The following MLXIP variants were observed in gnomAD, a reference collection of about 807,000 sequenced individuals.
The protein encoded by MLXIP is MLX interacting protein.
MLXIP carries 30 observed loss-of-function variants against 87.2 expected under a neutral mutation model. The ratio of observed to expected loss-of-function variants is 0.34; its 90% CI spans 0.26 to 0.47. The LOEUF (loss-of-function observed/expected upper bound fraction) is 0.47, where lower values mean the gene tolerates loss of function less well. Among genes scored for constraint, MLXIP ranks in the 20% least tolerant of loss-of-function variants. MLXIP has a pLI of 1.00. For synonymous variants in MLXIP, 530 were observed against 514.0 expected (o/e 1.03, Z -0.42); for missense variants, 1,002 against 1,240.1 (o/e 0.81, Z 2.88).
At chr12:122,128,188 G>A (rs777968837) in intron 3 of MLXIP, 32 of 534,188 alleles carry the variant, frequency 6.0e-5, no homozygotes, top group Non-Finnish European at 1.1e-4. Flanking sequence ...CCCAGGGACT[G>A]AGGGGGTTAA....
chr12:122,109,531 T>C (rs1423691676), intron 1 of MLXIP, among the ~76,000 whole-genome samples: 2 of 152,244 alleles, frequency 1.3e-5, no homozygotes, highest in Admixed American at 1.3e-4. Flanking sequence ...ATATATGGAA[T>C]GCTGACAAAG....
chr12:122,139,004 G>T (rs1593120090), intron 15 of MLXIP, 66 bp downstream of exon 15: 2 of 1,593,828 alleles, frequency 1.3e-6, no homozygotes, highest in East Asian at 2.2e-5. Context: ...ACAGACCGTG[G>T]CACTGTAGTT....
At chr12:122,094,732 ATGTG>A (rs1260701628) in intron 1 of MLXIP, among the ~76,000 whole-genome samples, 2 of 107,262 alleles carry the variant, frequency 1.9e-5, no homozygotes, top group Non-Finnish European at 3.7e-5. Context: ...GTGTGTTGGC[ATGTG>A]TGTGGTATGT....
At chr12:122,138,633 C>T in intron 14 of MLXIP, 82 bp downstream of exon 14, 1 of 1,531,496 alleles carries the variant, frequency 6.5e-7, no homozygotes, top group Non-Finnish European at 8.8e-7. Context: ...GACCCTGTGG[C>T]CTCATCACTG....
chr12:122,114,466 C>T (rs1194318783), intron 1 of MLXIP, among the ~76,000 whole-genome samples: 1 of 152,190 alleles, frequency 6.6e-6, no homozygotes, highest in Non-Finnish European at 1.5e-5. Context: ...TGGACTTGAT[C>T]CATTCTACCC....
intron 1 of MLXIP, among the ~76,000 whole-genome samples, chr12:122,126,254 C>G (rs1952879263): frequency 6.6e-6 from 1 of 152,178 alleles, no homozygotes; most frequent in Non-Finnish European, 1.5e-5. Context: ...GTTAATTGAG[C>G]CCCTACTATG....
intron 6 of MLXIP, 87 bp from the exon 7 acceptor site, chr12:122,130,757 C>T: frequency 1.1e-6 from 1 of 917,132 alleles, no homozygotes; most frequent in South Asian, 1.3e-5. Context: ...GTGAGCAGGG[C>T]CAGGAAGTTC....
rs1953027695 is a variant in MLXIP at position 122,133,724 on chromosome 12, C to A, written c.1469C>A (p.Ala490Asp). Residue 490 changes from alanine to aspartate, a missense_variant, in exon 9 of 17, where the codon GCC becomes GAC. Around this residue, in one of 3 missense-constraint regions of MLXIP, gnomAD observed 746 missense variants for 897.0 expected, o/e 0.83. Transcript: ENST00000319080. This position sits in a 1 kb window ranked among gnomAD's most constrained non-coding sequence, Gnocchi z 4.9. ...APSVITHTAS[A>D]TLTHDAPATT... ...TCTGTCATCACCCACACGGCCTCTGCCACCCTCACCCACGATGCCCCCGCC... is the reference window on the plus strand; with the variant it reads ...TCTGTCATCACCCACACGGCCTCTGACACCCTCACCCACGATGCCCCCGCC... 1 of 1,613,630 alleles carries A rather than the reference C, an allele frequency of 6.2e-7. No individual in the cohort carries two copies. The highest frequency in any genetic ancestry group is 1.7e-5 in the Admixed American group (1 of 60,008).
intron 14 of MLXIP, 126 bp from the exon 15 acceptor site, chr12:122,138,689 T>C (rs1308258574): frequency 2.0e-6 from 3 of 1,495,794 alleles, no homozygotes; most frequent in Non-Finnish European, 2.7e-6. Context: ...GTCAACCTCC[T>C]TCCACAGACC....
In MLXIP at chr12:122,130,047, G is replaced by T; in HGVS notation, c.845G>T (p.Ser282Ile). 1 of 1,613,976 alleles carries T rather than the reference G, an allele frequency of 6.2e-7. No individual in the cohort carries two copies. Among genetic ancestry groups the T allele is most frequent in the East Asian group, 2.2e-5 (1 of 44,876 alleles). The change falls in exon 6 of 17, where the codon AGC becomes ATC. Residue 282 changes from serine (S) to isoleucine (I), a missense_variant. By Grantham distance (142) the Ser-to-Ile change is moderately radical. Coordinates refer to ENST00000319080, the MANE Select transcript of MLXIP (RefSeq NM_014938.6). ...ACAGACATGCTCATGTCGGAATTCA[G>T]CGACACCCTCTTCTCCACACTTTCT... ...LDTDMLMSEF[S>I]DTLFSTLSSH...
intron 9 of MLXIP, 86 bp downstream of exon 9, chr12:122,134,073 C>G (rs1194245270): frequency 7.1e-7 from 1 of 1,413,878 alleles, no homozygotes; most frequent in Admixed American, 2.6e-5. Flanking sequence ...AACTTGTGAC[C>G]ACCACCACCA....
At chr12:122,120,933 G>A (rs1397082053) in intron 1 of MLXIP, among the ~76,000 whole-genome samples, 1 of 151,302 alleles carries the variant, frequency 6.6e-6, no homozygotes, top group Non-Finnish European at 1.5e-5. Flanking sequence ...AACAAATATG[G>A]TTGAATGAAC....
At chr12:122,127,859 G>A in intron 2 of MLXIP, 24 bp from the exon 3 acceptor site, 1 of 1,608,092 alleles carries the variant, frequency 6.2e-7, no homozygotes, top group East Asian at 2.2e-5. Flanking sequence ...TCATGGTGCT[G>A]ACTCTCACCC....
chr12:122,082,956 G>A (rs1952112593), intron 1 of MLXIP, among the ~76,000 whole-genome samples: 1 of 152,204 alleles, frequency 6.6e-6, no homozygotes, highest in South Asian at 2.1e-4. Flanking sequence ...GAGTAGCTGG[G>A]ACTGCGGGCA....
At chr12:122,127,210 A>G (rs1952895339) in intron 1 of MLXIP, 46 bp from the exon 2 acceptor site, 1 of 1,476,510 alleles carries the variant, frequency 6.8e-7, no homozygotes, top group Non-Finnish European at 9.4e-7. Context: ...TTTCACTTCA[A>G]TTTCAGAGTA....
Position 122,078,833 on chromosome 12 carries a change from G to GC in MLXIP, c.-16dup, listed in dbSNP as rs1176167584. The GC allele has an allele frequency of 2.8e-6, 3 of 1,055,216 alleles. No homozygotes were observed. Among genetic ancestry groups the GC allele is most frequent in the East Asian group, 7.1e-5 (1 of 14,172 alleles). 65.4% of individuals were successfully genotyped at this position (1,055,216 alleles called of 1,614,324 possible). On this transcript the variant is annotated 5_prime_UTR_variant, in exon 1 of 17. Coordinates refer to ENST00000319080, the MANE Select transcript of MLXIP (RefSeq NM_014938.6). ...CGCGTTGCCCCGGGCTCCGGGGGAT[G>GC]CCCCCGGCCGAGCCCTTCTCATGGC...
chr12:122,125,567 A>G (rs897961550), intron 1 of MLXIP, among the ~76,000 whole-genome samples: 15 of 152,348 alleles, frequency 9.8e-5, no homozygotes, highest in African/African-American at 3.1e-4. Context: ...GGCAGCAGGT[A>G]CGCCATGACA....
At chr12:122,099,632 G>T (rs952467268) in intron 1 of MLXIP, among the ~76,000 whole-genome samples, 2 of 152,260 alleles carry the variant, frequency 1.3e-5, no homozygotes, top group African/African-American at 4.8e-5. Flanking sequence ...CAGCAAGAGA[G>T]AACAGTTCCT....
intron 8 of MLXIP, 53 bp downstream of exon 8, chr12:122,132,436 C>T (rs1424345063): frequency 1.7e-5 from 25 of 1,429,058 alleles, no homozygotes; most frequent in Non-Finnish European, 2.3e-5. Flanking sequence ...CACAGGGCTG[C>T]TCATCAAAGG....
Sources: gnomAD v4.1 joint callset for allele counts (sites outside exome capture counted in the v4.1 genomes callset) on GRCh38, gnomAD v4.1.1 for gene constraint, gnomAD v4.1.1 regional missense constraint, Gnocchi (gnomAD v3.1) non-coding constraint, MANE v1.5 for transcripts, NCBI Gene and HGNC (gene_info 2026-07-23, HGNC 2026-07-21) for gene names.